Variants in CNTNAP2 observed in about 807,000 individuals in gnomAD.
CNTNAP2 encodes the protein contactin associated protein 2, also known as contactin-associated protein-like 2.
In CNTNAP2, 98 loss-of-function variants were observed where a neutral mutation model predicts 155.2. The observed-to-expected ratio is 0.63, with a 90% CI of 0.54 to 0.75. The LOEUF is 0.75. CNTNAP2 is among the 30% of genes least tolerant of loss of function. The pLI is 0.00. For missense variants in CNTNAP2, 1,727 were observed against 1,688.1 expected (o/e 1.02, Z -0.40); for synonymous variants, 651 against 631.2 (o/e 1.03, Z -0.47).
chr7:147,061,729 T>C (rs182894759), intron 4 of CNTNAP2, among the ~76,000 whole-genome samples: 78 of 152,250 alleles, frequency 5.1e-4, no homozygotes, highest in Admixed American at 1.6e-3. Context: ...TAAATAATTA[T>C]CCCAAAATAG....
intron 1 of CNTNAP2, among the ~76,000 whole-genome samples, chr7:146,248,804 G>T (rs1327168632): frequency 6.6e-6 from 1 of 152,158 alleles, no homozygotes; most frequent in Non-Finnish European, 1.5e-5. Context: ...TCCGAGTCAC[G>T]GCACCAAATT....
chr7:148,092,900 C>A (rs200177698), intron 15 of CNTNAP2, among the ~76,000 whole-genome samples: 4,992 of 116,050 alleles, frequency 0.043, 121 homozygotes, highest in South Asian at 0.079. Context: ...AAAAAAAAAA[C>A]AACCACAAAG....
intron 1 of CNTNAP2, among the ~76,000 whole-genome samples, chr7:146,360,160 A>G (rs1795062129): frequency 6.6e-6 from 1 of 152,102 alleles, no homozygotes; most frequent in South Asian, 2.1e-4. Context: ...TTTTCTTTCC[A>G]GTGTTAAGCC....
intron 1 of CNTNAP2, among the ~76,000 whole-genome samples, chr7:146,175,248 T>C (rs1798453365): frequency 6.6e-6 from 1 of 152,090 alleles, no homozygotes; most frequent in Non-Finnish European, 1.5e-5. Flanking sequence ...AGGCTGATAT[T>C]GTGAATCATT....
intron 1 of CNTNAP2, among the ~76,000 whole-genome samples, chr7:146,724,966 C>A (rs920902560): frequency 6.6e-6 from 1 of 152,084 alleles, no homozygotes; most frequent in Non-Finnish European, 1.5e-5. Flanking sequence ...TGTATTCTCT[C>A]ACAGTGTGGA....
intron 8 of CNTNAP2, among the ~76,000 whole-genome samples, chr7:147,277,697 A>G (rs1804929201): frequency 1.3e-5 from 2 of 151,816 alleles, no homozygotes; most frequent in Non-Finnish European, 2.9e-5. Context: ...TATAGCTGCT[A>G]TATTCATCCT....
chr7:146,226,197 A>ACC (rs1465655072), intron 1 of CNTNAP2, among the ~76,000 whole-genome samples: 1 of 152,198 alleles, frequency 6.6e-6, no homozygotes, highest in African/African-American at 2.4e-5. Context: ...TACCCAACAT[A>ACC]CAACTTCCTT....
At chr7:148,407,703 TAAAAAAAA>T (rs57666141) in intron 22 of CNTNAP2, among the ~76,000 whole-genome samples, 1,550 of 93,130 alleles carry the variant, frequency 0.017, 11 homozygotes, top group African/African-American at 0.021. Context: ...GACCAAATCT[TAAAAAAAA>T]AAAAAAAAAA....
At chr7:148,372,937 A>G (rs918197599) in intron 21 of CNTNAP2, among the ~76,000 whole-genome samples, 6 of 152,046 alleles carry the variant, frequency 3.9e-5, no homozygotes, top group Admixed American at 2.6e-4. Flanking sequence ...AGACTTTTTT[A>G]TTGAAAACTA....
intron 15 of CNTNAP2, among the ~76,000 whole-genome samples, chr7:148,062,270 C>T (rs1585105220): frequency 6.6e-6 from 1 of 151,822 alleles, no homozygotes; most frequent in African/African-American, 2.4e-5. Context: ...TAGCAGGTAA[C>T]AAAGACTTCA....
chr7:147,369,185 A>T (rs6950773), intron 9 of CNTNAP2, among the ~76,000 whole-genome samples: 2,471 of 152,344 alleles, frequency 0.016, 70 homozygotes, highest in African/African-American at 0.056. Context: ...TAGAACTTGA[A>T]AAAGCACTTG....
intron 13 of CNTNAP2, among the ~76,000 whole-genome samples, chr7:147,808,586 C>A (rs1056208414): frequency 6.6e-6 from 1 of 152,224 alleles, no homozygotes; most frequent in Non-Finnish European, 1.5e-5. Flanking sequence ...CTGCCCTTAC[C>A]TGGCATCTGT....
rs181842846 is a variant in CNTNAP2, at chr7:146,810,486, T to C, written c.209-29225T>C. ...ATTTTCTTAGTTTATGTAGATTTTA[T>C]ATGTAGATTTCGTATCTGCAACTTT... On this transcript the variant is annotated intron_variant, in intron 2 of 23. Coordinates refer to ENST00000361727, the MANE Select transcript of CNTNAP2 (RefSeq NM_014141.6). Among the ~76,000 whole-genome samples, 282 of 152,250 alleles carry C rather than the reference T, an allele frequency of 1.9e-3. 1 individual carries two copies. Among genetic ancestry groups the C allele is most frequent in the African/African-American group, 6.3e-3 (261 of 41,556 alleles).
chr7:147,231,354 A>G lies in CNTNAP2; in HGVS notation c.1349-68787A>G, dbSNP rs557276582. On this transcript the variant is annotated intron_variant, in intron 8 of 23. Coordinates refer to ENST00000361727, the MANE Select transcript of CNTNAP2 (RefSeq NM_014141.6). ...TGTGACTGACACTTAGGTTGTTTCT[A>G]TTACATATCTTGGCTCTTGTGAATA... Among the ~76,000 whole-genome samples, 5 of 152,320 alleles carry G rather than the reference A, an allele frequency of 3.3e-5. No homozygotes were observed. In the South Asian group the frequency reaches 1.0e-3, roughly 32 times the overall value.
At chr7:147,334,156 C>A (rs1452214124) in intron 9 of CNTNAP2, among the ~76,000 whole-genome samples, 3 of 152,168 alleles carry the variant, frequency 2.0e-5, no homozygotes, top group Non-Finnish European at 4.4e-5. Context: ...ATGTCTTAAT[C>A]CAACACTTCT....
At chr7:146,168,449 A>T (rs1442341253) in intron 1 of CNTNAP2, among the ~76,000 whole-genome samples, 2 of 152,144 alleles carry the variant, frequency 1.3e-5, no homozygotes, top group Non-Finnish European at 2.9e-5. Context: ...TAATGTAAGG[A>T]CAGAGACTCC....
intron 8 of CNTNAP2, among the ~76,000 whole-genome samples, chr7:147,135,961 G>A (rs1349878022): frequency 1.3e-5 from 2 of 150,710 alleles, no homozygotes; most frequent in African/African-American, 2.4e-5. Flanking sequence ...TGTCTTATGG[G>A]AACAGTATTA....
intron 1 of CNTNAP2, chr7:146,311,752 A>T (rs896814170): frequency 6.6e-6 from 1 of 151,786 alleles, no homozygotes; most frequent in African/African-American, 2.4e-5. Context: ...TTTACAACTA[A>T]TTCATCACAA....
At chr7:147,169,712 C>A (rs760923135) in intron 8 of CNTNAP2, among the ~76,000 whole-genome samples, 2 of 152,140 alleles carry the variant, frequency 1.3e-5, no homozygotes, top group Non-Finnish European at 2.9e-5. Context: ...AGCCCACAAT[C>A]TGCCAAGACT....
Sources: gnomAD v4.1 joint callset for allele counts (sites outside exome capture counted in the v4.1 genomes callset) on GRCh38, gnomAD v4.1.1 for gene constraint, MANE v1.5 for transcripts, NCBI Gene and HGNC (gene_info 2026-07-23, HGNC 2026-07-21) for gene names.